The following FLT1 variants were observed in gnomAD, a reference collection of about 807,000 sequenced individuals.
FLT1 encodes vascular endothelial growth factor receptor 1.
In FLT1, 49 loss-of-function variants were observed where a neutral mutation model predicts 156.3. That is an observed-to-expected ratio of 0.31 (90% CI 0.25 to 0.40). FLT1 has a LOEUF of 0.40. FLT1 is among the 10% of genes least tolerant of loss of function. FLT1 has a pLI of 1.00. For synonymous variants in FLT1, 594 were observed against 583.8 expected (o/e 1.02, Z -0.25); for missense variants, 1,322 against 1,637.2 (o/e 0.81, Z 3.32).
chr13:28,472,018 GAC>G (rs1880206267), intron 1 of FLT1, among the ~76,000 whole-genome samples: 1 of 152,188 alleles, frequency 6.6e-6, no homozygotes, highest in African/African-American at 2.4e-5. Context: ...TGTGAACGTG[GAC>G]TTATTTGAAC....
At chr13:28,361,149 C>T (rs1017363736) in intron 14 of FLT1, among the ~76,000 whole-genome samples, 1 of 151,954 alleles carries the variant, frequency 6.6e-6, no homozygotes, top group Non-Finnish European at 1.5e-5. Flanking sequence ...CGTGGTGGCT[C>T]ATGCCGGTAG....
intron 15 of FLT1, among the ~76,000 whole-genome samples, chr13:28,347,070 G>C (rs1025269822): frequency 1.3e-5 from 2 of 152,154 alleles, no homozygotes; most frequent in African/African-American, 4.8e-5. Context: ...AAAGAAATTA[G>C]ATTTTGAAAG....
At chr13:28,469,423 C>G (rs754342710) in intron 1 of FLT1, among the ~76,000 whole-genome samples, 3 of 152,200 alleles carry the variant, frequency 2.0e-5, no homozygotes, top group Non-Finnish European at 2.9e-5. Flanking sequence ...GTTAGAAGAT[C>G]TGCGTTTGAG....
At chr13:28,385,093 A>G (rs1336000445) in intron 13 of FLT1, 62 bp from the exon 14 acceptor site, 16 of 1,523,792 alleles carry the variant, frequency 1.1e-5, no homozygotes, top group Non-Finnish European at 1.4e-5. Context: ...TTGTCTATGC[A>G]TATCAACATT....
At chr13:28,490,684 C>T (rs144701761) in intron 1 of FLT1, among the ~76,000 whole-genome samples, 1 of 152,134 alleles carries the variant, frequency 6.6e-6, no homozygotes, top group Non-Finnish European at 1.5e-5. Flanking sequence ...ATGGACTGTT[C>T]GGTTCTACCA....
chr13:28,407,567 C>T (rs941629243), intron 10 of FLT1, among the ~76,000 whole-genome samples: 10 of 152,092 alleles, frequency 6.6e-5, no homozygotes, highest in African/African-American at 2.2e-4. Flanking sequence ...AGAGAATTAG[C>T]AATAATTCCG....
chr13:28,473,153 G>C (rs1226662543), intron 1 of FLT1, among the ~76,000 whole-genome samples: 1 of 152,166 alleles, frequency 6.6e-6, no homozygotes, highest in Non-Finnish European at 1.5e-5. Context: ...ATCGCAGGTA[G>C]GACTTTTAAA....
intron 3 of FLT1, among the ~76,000 whole-genome samples, chr13:28,455,703 C>T (rs1293144239): frequency 6.6e-6 from 1 of 152,148 alleles, no homozygotes; most frequent in Non-Finnish European, 1.5e-5. Context: ...GAAGACAGGG[C>T]ACAGACTGGG....
At chr13:28,325,454 C>T (rs1166689727) in intron 20 of FLT1, among the ~76,000 whole-genome samples, 2 of 152,174 alleles carry the variant, frequency 1.3e-5, no homozygotes, top group Admixed American at 6.5e-5. Context: ...CACTTGACTT[C>T]TCTGAACGCA....
chr13:28,461,291 A>G (rs1413516593), intron 3 of FLT1, among the ~76,000 whole-genome samples: 1 of 152,220 alleles, frequency 6.6e-6, no homozygotes, highest in Non-Finnish European at 1.5e-5. Context: ...TAATAACTGT[A>G]TAATCTATGT....
intron 13 of FLT1, chr13:28,387,401 G>T (rs1874425965): frequency 6.6e-6 from 7 of 1,054,734 alleles, no homozygotes; most frequent in African/African-American, 1.7e-5. Flanking sequence ...GAGGTGCGTT[G>T]AACCCATATT....
chr13:28,384,308 A>G (rs1436959979), intron 14 of FLT1, among the ~76,000 whole-genome samples: 2 of 151,952 alleles, frequency 1.3e-5, no homozygotes, highest in African/African-American at 4.8e-5. Flanking sequence ...GTGACAGCAC[A>G]TGCCTGTAGT....
chr13:28,400,234 A>G (rs1390132341), intron 11 of FLT1, among the ~76,000 whole-genome samples: 5 of 152,226 alleles, frequency 3.3e-5, no homozygotes, highest in Admixed American at 3.3e-4. Flanking sequence ...TAAATTAAAT[A>G]CTACTACTAT....
intron 17 of FLT1, among the ~76,000 whole-genome samples, chr13:28,335,626 G>A (rs1872089208): frequency 6.6e-6 from 1 of 152,130 alleles, no homozygotes; most frequent in Non-Finnish European, 1.5e-5. Context: ...ACTTATACCA[G>A]TGTCATCATT....
chr13:28,378,323 A>G (rs1460533952), intron 14 of FLT1, among the ~76,000 whole-genome samples: 2 of 152,226 alleles, frequency 1.3e-5, no homozygotes, highest in Non-Finnish European at 2.9e-5. Flanking sequence ...CTGGGATTAC[A>G]GGCATGAGCC....
At chr13:28,304,450 C>T (rs1313419125) in intron 29 of FLT1, among the ~76,000 whole-genome samples, 1 of 151,980 alleles carries the variant, frequency 6.6e-6, no homozygotes, top group Non-Finnish European at 1.5e-5. Flanking sequence ...CACTTGTTGC[C>T]ATCCTTTGAT....
At chr13:28,343,809 A>AT (rs1326881524) in intron 16 of FLT1, among the ~76,000 whole-genome samples, 5 of 150,054 alleles carry the variant, frequency 3.3e-5, no homozygotes, top group Non-Finnish European at 5.9e-5. Flanking sequence ...CGCCCGGCTA[A>AT]TTTTTTGTAT....
chr13:28,412,944 A>T lies in FLT1; in HGVS notation c.1437-7050T>A, dbSNP rs1182747871. Among the ~76,000 whole-genome samples, 4 of 152,084 alleles carry T rather than the reference A, an allele frequency of 2.6e-5. No individual in the cohort carries two copies. In the South Asian group the frequency reaches 6.2e-4, roughly 24 times the overall value. On this transcript the variant is annotated intron_variant, in intron 10 of 29. Coordinates refer to ENST00000282397, the MANE Select transcript of FLT1 (RefSeq NM_002019.4). ...GTAGCATTGGAAGGAGTGTTTAGAC[A>T]GAATGGTTCCTGCTCCTCTTGCTCC...
At chr13:28,472,401 G>T (rs77780978) in intron 1 of FLT1, among the ~76,000 whole-genome samples, 66 of 152,314 alleles carry the variant, frequency 4.3e-4, no homozygotes, top group Middle Eastern at 3.4e-3. Context: ...CCCACTGGAG[G>T]TCATTATGAA....
Sources: gnomAD v4.1 joint callset for allele counts (sites outside exome capture counted in the v4.1 genomes callset) on GRCh38, gnomAD v4.1.1 for gene constraint, MANE v1.5 for transcripts, NCBI Gene and HGNC (gene_info 2026-07-23, HGNC 2026-07-21) for gene names.